The following PCDHGA2 variants were observed in gnomAD, a reference collection of about 807,000 sequenced individuals.
PCDHGA2 encodes the protein protocadherin gamma-A2.
In PCDHGA2, 40 loss-of-function variants were observed where a neutral mutation model predicts 59.2. The ratio of observed to expected loss-of-function variants is 0.68; its 90% CI spans 0.52 to 0.88. PCDHGA2 has a LOEUF of 0.88. Among genes scored for constraint, PCDHGA2 ranks in the 40% least tolerant of loss-of-function variants. PCDHGA2 has a pLI of 0.00. For missense variants in PCDHGA2, 1,226 were observed against 1,204.0 expected (o/e 1.02, Z -0.27); for synonymous variants, 560 against 526.0 (o/e 1.06, Z -0.89).
At position 141,511,227 on chromosome 5, in the gene PCDHGA2, TCTC is replaced by T. The variant is rs2099883680; in HGVS notation, c.*57_*59del. 2 of 1,599,470 alleles carry T rather than the reference TCTC, an allele frequency of 1.3e-6. No homozygotes were observed. Among genetic ancestry groups the T allele is most frequent in the Non-Finnish European group, 1.7e-6 (2 of 1,173,054 alleles). ...CGGCCTCTCCCCAACCAGCCCAGCTTCTCCTTACCTGCACCCAGGCCTCAGAGT... is the reference window on the plus strand; with the variant it reads ...CGGCCTCTCCCCAACCAGCCCAGCTTCTTACCTGCACCCAGGCCTCAGAGT... On this transcript the variant is annotated 3_prime_UTR_variant, in exon 4 of 4. Transcript: ENST00000394576.
chr5:141,389,767 G>C, intron 1 of PCDHGA2: 2 of 1,613,028 alleles, frequency 1.2e-6, no homozygotes, highest in Non-Finnish European at 8.5e-7. Context: ...CGCACAGCGC[G>C]TGCCTTAGGC....
At chr5:141,437,650 A>G in intron 1 of PCDHGA2, among the ~76,000 whole-genome samples, 1 of 152,314 alleles carries the variant, frequency 6.6e-6, no homozygotes, top group Non-Finnish European at 1.5e-5. Context: ...AAAAGCAAAC[A>G]CATAGTTTCG....
chr5:141,409,304 C>T, intron 1 of PCDHGA2: 2 of 1,613,954 alleles, frequency 1.2e-6, no homozygotes, highest in Non-Finnish European at 1.7e-6. Flanking sequence ...GGTTGTTGCC[C>T]TCTTCAAAAC....
intron 1 of PCDHGA2, among the ~76,000 whole-genome samples, chr5:141,464,984 C>T (rs1345385418): frequency 1.3e-5 from 2 of 152,034 alleles, no homozygotes; most frequent in Non-Finnish European, 2.9e-5. Flanking sequence ...TCAAGTGATC[C>T]TCCCACCTCA....
In PCDHGA2 at chr5:141,357,452, A is replaced by T. The variant is rs191856685; in HGVS notation, c.2424+16057A>T. On this transcript the variant is annotated intron_variant, in intron 1 of 3. Coordinates refer to ENST00000394576, the MANE Select transcript of PCDHGA2 (RefSeq NM_018915.4). ...GTGGACGGGGTTCGGGCTTTCCTGCAGACCTATTCCCACGAGGTCTCCCTC... is the reference window on the plus strand; with the variant it reads ...GTGGACGGGGTTCGGGCTTTCCTGCTGACCTATTCCCACGAGGTCTCCCTC... 2.9e-4 allele frequency: 471 copies of T among 1,614,228 alleles called. No individual in the cohort carries two copies. The highest frequency in any genetic ancestry group is 3.7e-4 in the Non-Finnish European group (441 of 1,180,050).
chr5:141,375,025 TTA>T (rs778119379), intron 1 of PCDHGA2: 2 of 1,614,042 alleles, frequency 1.2e-6, no homozygotes, highest in East Asian at 4.5e-5. Flanking sequence ...ACTCGAGTTT[TTA>T]TGAGCTGGGT....
At chr5:141,362,716 C>G (rs1286342782) in intron 1 of PCDHGA2, 6 of 905,252 alleles carry the variant, frequency 6.6e-6, no homozygotes, top group Non-Finnish European at 9.7e-6. Flanking sequence ...TGTTTTCTCT[C>G]TGAAGTGTGA....
intron 1 of PCDHGA2, among the ~76,000 whole-genome samples, chr5:141,471,992 C>T (rs2099268578): frequency 6.6e-6 from 1 of 152,070 alleles, no homozygotes; most frequent in Non-Finnish European, 1.5e-5. Flanking sequence ...TATTAAAAAT[C>T]CCTGCATCGT....
intron 1 of PCDHGA2, among the ~76,000 whole-genome samples, chr5:141,457,968 G>A (rs919621979): frequency 6.6e-6 from 1 of 152,120 alleles, no homozygotes; most frequent in African/African-American, 2.4e-5. Context: ...TTCCTTAAAG[G>A]GAAACACACC....
intron 1 of PCDHGA2, among the ~76,000 whole-genome samples, chr5:141,369,996 C>T (rs1292122597): frequency 6.6e-6 from 1 of 152,078 alleles, no homozygotes; most frequent in Non-Finnish European, 1.5e-5. Flanking sequence ...GGATAAAGCT[C>T]AAATTAAAAG....
chr5:141,489,459 C>T lies in PCDHGA2; in HGVS notation c.2425-5348C>T. The T allele has an allele frequency of 6.2e-7, 1 of 1,614,086 alleles. No homozygotes were observed. The highest frequency in any genetic ancestry group is 8.5e-7 in the Non-Finnish European group (1 of 1,180,012). On this transcript the variant is annotated intron_variant, in intron 1 of 3. Coordinates refer to ENST00000394576, the MANE Select transcript of PCDHGA2 (RefSeq NM_018915.4). The surrounding 1 kb of genome is among the most constrained non-coding windows in gnomAD (Gnocchi z 4.5). The stretch of plus-strand genomic sequence containing the variant: ...AATTGGGCTCTGAGGAGAATGGGCG[C>T]TATTTTTCCCTGAGCTTGATGAGTG...
rs771162471 is a variant in PCDHGA2 at position 141,376,386 on chromosome 5, T to C, written c.2424+34991T>C. 3 of 1,614,116 alleles carry C rather than the reference T, an allele frequency of 1.9e-6. No homozygotes were observed. The African/African-American group carries it at 4.0e-5, about 22-fold the overall frequency. Reference sequence around the variant, plus strand: ...ACTGCAGACTCGCGTAAGAGTCATCTGATTTTCCCCCAGCCCAACTATGCC... The same window carrying C: ...ACTGCAGACTCGCGTAAGAGTCATCCGATTTTCCCCCAGCCCAACTATGCC... On this transcript the variant is annotated intron_variant, in intron 1 of 3. Coordinates refer to ENST00000394576, the MANE Select transcript of PCDHGA2 (RefSeq NM_018915.4).
At position 141,511,648 on chromosome 5, in the gene PCDHGA2, G is replaced by T. The variant is rs553080689; in HGVS notation, c.*475G>T. The T allele has an allele frequency of 1.4e-5, 3 of 214,700 alleles. No homozygotes were observed. Among genetic ancestry groups the T allele is most frequent in the East Asian group, 2.1e-4 (2 of 9,414 alleles). The allele number at this position is 214,700 out of a possible 1,614,324, so 13.3% of individuals were successfully genotyped here. A position where few individuals can be genotyped will look rare whatever the true frequency, so the allele number is the denominator to read the frequency against. On this transcript the variant is annotated 3_prime_UTR_variant, in exon 4 of 4. Coordinates refer to ENST00000394576, the MANE Select transcript of PCDHGA2 (RefSeq NM_018915.4). ...AGTTGGAAGGGCATCATGACCTCTTGGCCTCTCCTTTGATTCTCAATCTTC... is the reference window on the plus strand; with the variant it reads ...AGTTGGAAGGGCATCATGACCTCTTTGCCTCTCCTTTGATTCTCAATCTTC...
intron 1 of PCDHGA2, among the ~76,000 whole-genome samples, chr5:141,456,935 C>T (rs894385178): frequency 5.9e-5 from 9 of 152,178 alleles, no homozygotes; most frequent in African/African-American, 2.2e-4. Context: ...TGCACTCCAG[C>T]CTGGGCAACA....
chr5:141,431,901 A>G lies in PCDHGA2; in HGVS notation c.2425-62906A>G, dbSNP rs1373642371. 5.0e-6 allele frequency: 8 copies of G among 1,613,872 alleles called. No homozygotes were observed. The highest frequency in any genetic ancestry group is 1.6e-4 in the Middle Eastern group (1 of 6,062). On this transcript the variant is annotated intron_variant, in intron 1 of 3. Coordinates refer to ENST00000394576, the MANE Select transcript of PCDHGA2 (RefSeq NM_018915.4). This position sits in a 1 kb window ranked among gnomAD's most constrained non-coding sequence, Gnocchi z 4.8. Reference sequence around the variant, plus strand: ...GACCAAGATTCTGAGGAAAACGGACAGGTGATCTGTTTCATCCAAGGAAAT... The same window carrying G: ...GACCAAGATTCTGAGGAAAACGGACGGGTGATCTGTTTCATCCAAGGAAAT...
At position 141,491,137 on chromosome 5, in the gene PCDHGA2, GC is replaced by G. The variant is rs1373404184; in HGVS notation, c.2425-3668del. ...CACTGGTGAGGTGCGCACAGCCCGG[GC>G]CTTACTGGAGGATGACTCTGACACC... On this transcript the variant is annotated intron_variant, in intron 1 of 3. Transcript: ENST00000394576. This position sits in a 1 kb window ranked among gnomAD's most constrained non-coding sequence, Gnocchi z 6.9. The G allele has an allele frequency of 1.2e-6, 2 of 1,614,156 alleles. No individual in the cohort carries two copies. Among genetic ancestry groups the G allele is most frequent in the Non-Finnish European group, 1.7e-6 (2 of 1,180,008 alleles).
intron 1 of PCDHGA2, chr5:141,404,308 C>G: frequency 1.2e-6 from 2 of 1,613,918 alleles, no homozygotes; most frequent in East Asian, 2.2e-5. Flanking sequence ...CACCTGCTTT[C>G]TCTCAAGCCT....
At chr5:141,445,313 T>C (rs1186654847) in intron 1 of PCDHGA2, among the ~76,000 whole-genome samples, 8 of 152,328 alleles carry the variant, frequency 5.3e-5, no homozygotes, top group Non-Finnish European at 4.4e-5. Flanking sequence ...GTTTGTAGGT[T>C]GAGAGAACCC....
intron 1 of PCDHGA2, among the ~76,000 whole-genome samples, chr5:141,460,628 G>C (rs2098993821): frequency 6.6e-6 from 1 of 151,958 alleles, no homozygotes; most frequent in African/African-American, 2.4e-5. Flanking sequence ...GACAGATACA[G>C]ATATATAACT....
Sources: gnomAD v4.1 joint callset for allele counts (sites outside exome capture counted in the v4.1 genomes callset) on GRCh38, gnomAD v4.1.1 for gene constraint, Gnocchi (gnomAD v3.1) non-coding constraint, MANE v1.5 for transcripts, NCBI Gene and HGNC (gene_info 2026-07-23, HGNC 2026-07-21) for gene names.